Variants in DDX10 observed in about 807,000 individuals in gnomAD.
DDX10 encodes the protein DEAD-box helicase 10, also known as probable ATP-dependent RNA helicase DDX10.
A neutral mutation model predicts 104.3 loss-of-function variants in DDX10; 74 were observed. That is an observed-to-expected ratio of 0.71 (90% CI 0.59 to 0.86). The LOEUF is 0.86. DDX10 is among the 40% of genes least tolerant of loss of function. The probability of loss-of-function intolerance (pLI) is 0.00; values close to 1 mark genes in which losing one functional copy is unlikely to be tolerated. For synonymous variants in DDX10, 351 were observed against 353.4 expected, an observed-to-expected ratio of 0.99 and a Z score of 0.08; for missense variants, 952 against 1,040.0, an observed-to-expected ratio of 0.92 and a Z score of 1.16.
intron 16 of DDX10, among the ~76,000 whole-genome samples, chr11:108,894,398 A>G (rs963962095): frequency 6.6e-6 from 1 of 152,010 alleles, no homozygotes; most frequent in African/African-American, 2.4e-5. Context: ...ATATTAAAAG[A>G]TGTGTTTATA....
chr11:108,674,005 C>T (rs74746257), intron 2 of DDX10, among the ~76,000 whole-genome samples: 4,835 of 152,182 alleles, frequency 0.032, 264 homozygotes, highest in African/African-American at 0.11. Flanking sequence ...CTCTTGCTGC[C>T]TTTTTATTTT....
chr11:108,720,750 C>T (rs548751267), intron 12 of DDX10, among the ~76,000 whole-genome samples: 7 of 152,088 alleles, frequency 4.6e-5, no homozygotes, highest in African/African-American at 1.4e-4. Flanking sequence ...GCTACCATGG[C>T]TGGCTAGTTT....
At chr11:108,921,016 T>G (rs1286490740) in intron 17 of DDX10, 1 of 152,240 alleles carries the variant, frequency 6.6e-6, no homozygotes, top group Non-Finnish European at 1.5e-5. Context: ...TTTTCTCTAT[T>G]CACTTCCATT....
intron 13 of DDX10, among the ~76,000 whole-genome samples, chr11:108,800,971 A>G (rs1217536748): frequency 6.6e-6 from 1 of 152,192 alleles, no homozygotes; most frequent in Non-Finnish European, 1.5e-5. Context: ...TTTGTCAAGT[A>G]TTAATATATG....
chr11:108,688,359 C>T (rs1052480122), intron 6 of DDX10, among the ~76,000 whole-genome samples: 1 of 152,188 alleles, frequency 6.6e-6, no homozygotes, highest in Non-Finnish European at 1.5e-5. Context: ...TAGATACTAT[C>T]TAATGGTAGC....
chr11:108,685,446 A>C (rs891470760), intron 6 of DDX10, among the ~76,000 whole-genome samples: 4 of 151,528 alleles, frequency 2.6e-5, no homozygotes, highest in African/African-American at 7.3e-5. Flanking sequence ...CTCCCTAGTG[A>C]GATGAACCCG....
At chr11:108,754,881 T>C (rs955008991) in intron 13 of DDX10, among the ~76,000 whole-genome samples, 3 of 152,060 alleles carry the variant, frequency 2.0e-5, no homozygotes, top group East Asian at 1.9e-4. Context: ...TCAGAAAAGG[T>C]TGGATTTTCA....
Position 108,780,706 on chromosome 11 carries a change from A to T in DDX10, c.1965+57244A>T, listed in dbSNP as rs560130404. On this transcript the variant is annotated intron_variant, in intron 13 of 17. Transcript: ENST00000322536. The stretch of plus-strand genomic sequence containing the variant: ...CTACTCAAGCACTTTATTAATGTAG[A>T]TGCTTAGGTTATATTGTTGGAAAAT... 8.0e-4 allele frequency among the ~76,000 whole-genome samples: 122 copies of T among 152,306 alleles called. 1 individual carries two copies. The Middle Eastern group carries it at 0.024, about 30-fold the overall frequency.
intron 16 of DDX10, among the ~76,000 whole-genome samples, chr11:108,854,406 C>G (rs780070570): frequency 6.6e-6 from 1 of 152,092 alleles, no homozygotes; most frequent in African/African-American, 2.4e-5. Flanking sequence ...CTCGTTGATC[C>G]TCTTATGTAA....
chr11:108,690,307 G>A (rs2094250415), intron 7 of DDX10: 1 of 152,784 alleles, frequency 6.5e-6, no homozygotes, highest in Non-Finnish European at 1.5e-5. Context: ...CATCAAAGGT[G>A]GCCTTGGCAT....
At chr11:108,713,897 A>G (rs1263485151) in intron 10 of DDX10, among the ~76,000 whole-genome samples, 1 of 152,088 alleles carries the variant, frequency 6.6e-6, no homozygotes. Flanking sequence ...AACTTTACAA[A>G]TTCTTTTCAG....
chr11:108,742,683 A>G (rs1400858063), intron 13 of DDX10, among the ~76,000 whole-genome samples: 4 of 152,200 alleles, frequency 2.6e-5, no homozygotes, highest in East Asian at 1.9e-4. Flanking sequence ...GAAGATACAA[A>G]TAAACACAAT....
At chr11:108,710,525 C>A (rs1185624813) in intron 10 of DDX10, among the ~76,000 whole-genome samples, 1 of 151,794 alleles carries the variant, frequency 6.6e-6, no homozygotes, top group Non-Finnish European at 1.5e-5. Context: ...ATTTTCACAT[C>A]GTCCCACTAG....
At chr11:108,790,383 T>G (rs1383177686) in intron 13 of DDX10, among the ~76,000 whole-genome samples, 1 of 152,198 alleles carries the variant, frequency 6.6e-6, no homozygotes. Flanking sequence ...AAGCATACTT[T>G]TCAGTCATTT....
intron 16 of DDX10, among the ~76,000 whole-genome samples, chr11:108,886,747 C>T (rs1299501310): frequency 6.6e-6 from 1 of 152,132 alleles, no homozygotes; most frequent in East Asian, 1.9e-4. Flanking sequence ...GTTATTTAAC[C>T]ACCAAGTTAA....
chr11:108,865,056 A>G (rs912920289), intron 16 of DDX10, among the ~76,000 whole-genome samples: 2 of 152,182 alleles, frequency 1.3e-5, no homozygotes, highest in African/African-American at 2.4e-5. Flanking sequence ...GTAAAACACA[A>G]GGAGCAGCAG....
chr11:108,830,137 G>A (rs1862448804), intron 13 of DDX10, among the ~76,000 whole-genome samples: 1 of 152,156 alleles, frequency 6.6e-6, no homozygotes, highest in African/African-American at 2.4e-5. Flanking sequence ...CATTGAATTT[G>A]TAGATTGCTT....
intron 13 of DDX10, among the ~76,000 whole-genome samples, chr11:108,791,924 G>C (rs1861876546): frequency 6.6e-6 from 1 of 152,122 alleles, no homozygotes; most frequent in African/African-American, 2.4e-5. Flanking sequence ...GATAGTTCTA[G>C]TTGTTCTTCA....
chr11:108,729,411 C>T (rs1316725804), intron 13 of DDX10, among the ~76,000 whole-genome samples: 1 of 152,144 alleles, frequency 6.6e-6, no homozygotes, highest in East Asian at 1.9e-4. Context: ...ACCCACATTT[C>T]AGTAACTACC....
Sources: allele counts gnomAD v4.1 joint callset (sites outside exome capture counted in the v4.1 genomes callset), GRCh38; gene constraint gnomAD v4.1.1; transcripts MANE v1.5; gene names NCBI Gene and HGNC (gene_info 2026-07-23, HGNC 2026-07-21).